CACNA1D: variants seen among roughly 807,000 people sequenced by gnomAD.
CACNA1D encodes the protein calcium voltage-gated channel subunit alpha1 D.
Under a neutral mutation model 257.1 loss-of-function variants are expected in CACNA1D, and 55 were observed. The observed-to-expected ratio is 0.21, with a 90% confidence interval of 0.17 to 0.27. CACNA1D has a LOEUF of 0.27. Ranked by LOEUF, CACNA1D falls within the 10% of genes least tolerant of loss-of-function variation. The pLI is 1.00. For missense variants in CACNA1D, 1,876 were observed against 2,784.0 expected (o/e 0.67, Z 7.34); for synonymous variants, 980 against 1,014.9 (o/e 0.97, Z 0.65).
At chr3:53,754,866 A>G (rs2095252914) in intron 29 of CACNA1D, among the ~76,000 whole-genome samples, 1 of 152,230 alleles carries the variant, frequency 6.6e-6, no homozygotes, top group Admixed American at 6.5e-5. Context: ...TCTAATTCCA[A>G]ACTGTTCCTT....
At chr3:53,633,654 T>G (rs2093848097) in intron 3 of CACNA1D, among the ~76,000 whole-genome samples, 1 of 152,196 alleles carries the variant, frequency 6.6e-6, no homozygotes, top group Admixed American at 6.5e-5. Flanking sequence ...TGTCTGGTTT[T>G]TAAAAAGTTA....
At chr3:53,743,819 G>A (rs1223569728) in intron 22 of CACNA1D, among the ~76,000 whole-genome samples, 2 of 152,034 alleles carry the variant, frequency 1.3e-5, no homozygotes, top group East Asian at 3.9e-4. Context: ...GAGCACACAT[G>A]CACACACCTG....
Position 53,732,828 on chromosome 3 carries a change from A to G in CACNA1D, c.2487A>G (p.Glu829=). ...TTTCATTTAAAGTAGGGGAAGAGGA[A>G]GAGGAAGAGGAGGAGGATGAACCTG... The part of the protein sequence containing the change: ...PPCDVPVGEE[E]EEEEEDEPEV... The change falls in exon 19 of 48, where the codon GAA becomes GAG. Residue 829 remains glutamate (E), a synonymous_variant. Transcript: ENST00000350061. The G allele has an allele frequency of 1.2e-6, 2 of 1,613,336 alleles. No homozygotes were observed. The highest frequency in any genetic ancestry group is 1.7e-6 in the Non-Finnish European group (2 of 1,179,274).
At chr3:53,713,084 C>T (rs76730871) in intron 9 of CACNA1D, among the ~76,000 whole-genome samples, 2,359 of 152,302 alleles carry the variant, frequency 0.015, 15 homozygotes, top group Middle Eastern at 0.034. Context: ...GGCTGGACCC[C>T]TGGCTTCCCT....
At chr3:53,597,424 G>A (rs2093384330) in intron 3 of CACNA1D, among the ~76,000 whole-genome samples, 1 of 152,194 alleles carries the variant, frequency 6.6e-6, no homozygotes, top group African/African-American at 2.4e-5. Flanking sequence ...AGGAGGTAGT[G>A]GAGTGGGGAT....
At chr3:53,532,755 A>G (rs1363460158) in intron 3 of CACNA1D, among the ~76,000 whole-genome samples, 1 of 152,138 alleles carries the variant, frequency 6.6e-6, no homozygotes, top group Non-Finnish European at 1.5e-5. Flanking sequence ...TGAGGTAGAC[A>G]CTTTTTTAGC....
chr3:53,807,105 G>T (rs1268686726), intron 45 of CACNA1D, among the ~76,000 whole-genome samples: 1 of 152,224 alleles, frequency 6.6e-6, no homozygotes, highest in Non-Finnish European at 1.5e-5. Flanking sequence ...GCTGCAGGGG[G>T]ATTCCCTCCT....
chr3:53,565,758 CAAGT>C (rs2092823231), intron 3 of CACNA1D, among the ~76,000 whole-genome samples: 1 of 152,146 alleles, frequency 6.6e-6, no homozygotes, highest in African/African-American at 2.4e-5. Context: ...CCTTATTTAT[CAAGT>C]AAGAGGTAAC....
At chr3:53,566,940 A>G (rs1044158114) in intron 3 of CACNA1D, among the ~76,000 whole-genome samples, 4 of 152,114 alleles carry the variant, frequency 2.6e-5, no homozygotes, top group East Asian at 1.9e-4. Context: ...TGCTCATGCT[A>G]TTTGTCTTCA....
intron 3 of CACNA1D, among the ~76,000 whole-genome samples, chr3:53,635,001 G>C (rs1373123903): frequency 6.6e-6 from 1 of 152,188 alleles, no homozygotes; most frequent in African/African-American, 2.4e-5. Context: ...TTTAGTGGAT[G>C]AGGATACAAA....
At chr3:53,780,230 C>T in intron 38 of CACNA1D, 102 bp downstream of exon 38, 1 of 952,020 alleles carries the variant, frequency 1.1e-6, no homozygotes, top group Non-Finnish European at 1.7e-6. Flanking sequence ...CAAGGGGAGG[C>T]CCTGGGGAAG....
At chr3:53,770,579 C>G in intron 32 of CACNA1D, 27 bp downstream of exon 32, 1 of 1,611,100 alleles carries the variant, frequency 6.2e-7, no homozygotes, top group Non-Finnish European at 8.5e-7. Flanking sequence ...GGACTTCTCT[C>G]TTTGTCTTTG....
intron 4 of CACNA1D, among the ~76,000 whole-genome samples, chr3:53,656,180 A>G (rs2094145875): frequency 6.6e-6 from 1 of 152,204 alleles, no homozygotes; most frequent in Admixed American, 6.5e-5. Context: ...TGGTTACTGC[A>G]GCCCTGTATT....
chr3:53,511,371 T>C (rs1434020848), intron 3 of CACNA1D, among the ~76,000 whole-genome samples: 1 of 152,092 alleles, frequency 6.6e-6, no homozygotes, highest in African/African-American at 2.4e-5. Context: ...AAAGAGTACA[T>C]CCTGACACAC....
rs72556361 is a variant in CACNA1D, at chr3:53,772,767, C to T, written c.4045-66C>T. On this transcript the variant is annotated intron_variant, in intron 32 of 47. Transcript: ENST00000350061. ...GCATGTGGCCACTCATGGGTCTTCT[C>T]AGGCTGTGGCGGGCCGTCACGGGGA... The T allele has an allele frequency of 7.4e-4, 888 of 1,205,176 alleles. 6 individuals carry two copies. Among genetic ancestry groups the T allele is most frequent in the Middle Eastern group, 1.9e-4 (1 of 5,266 alleles). 74.7% of individuals were successfully genotyped at this position (1,205,176 alleles called of 1,614,324 possible).
chr3:53,622,137 A>G (rs780087110), intron 3 of CACNA1D, among the ~76,000 whole-genome samples: 30 of 151,844 alleles, frequency 2.0e-4, no homozygotes, highest in Non-Finnish European at 3.2e-4. Context: ...GGCAACCTCT[A>G]TCTCCTGGGT....
chr3:53,692,166 G>T (rs2094535011), intron 8 of CACNA1D, among the ~76,000 whole-genome samples: 1 of 151,400 alleles, frequency 6.6e-6, no homozygotes, highest in Non-Finnish European at 1.5e-5. Flanking sequence ...TTGTGATAAG[G>T]AACCAGTATA....
chr3:53,529,133 G>A (rs564790064), intron 3 of CACNA1D, among the ~76,000 whole-genome samples: 1 of 152,304 alleles, frequency 6.6e-6, no homozygotes, highest in Admixed American at 6.5e-5. Flanking sequence ...TGAGTACAGT[G>A]TTAGTTGGAG....
chr3:53,803,624 T>A, intron 44 of CACNA1D, 52 bp downstream of exon 44: 3 of 1,593,020 alleles, frequency 1.9e-6, no homozygotes, highest in Non-Finnish European at 1.7e-6. Flanking sequence ...GCCCTGGTGC[T>A]CGGCCCACTC....
Sources: gnomAD v4.1 joint callset for allele counts (sites outside exome capture counted in the v4.1 genomes callset) on GRCh38, gnomAD v4.1.1 for gene constraint, MANE v1.5 for transcripts, NCBI Gene and HGNC (gene_info 2026-07-23, HGNC 2026-07-21) for gene names.